Variants in NDST3 observed in about 807,000 individuals in gnomAD.
NDST3 encodes the protein bifunctional heparan sulfate N-deacetylase/N-sulfotransferase 3.
A neutral mutation model predicts 96.1 loss-of-function variants in NDST3; 58 were observed. That is an observed-to-expected ratio of 0.60 (90% CI 0.49 to 0.75). The LOEUF is 0.75. Ranked by LOEUF, NDST3 falls within the 30% of genes least tolerant of loss-of-function variation. The pLI, the probability that NDST3 is intolerant of heterozygous loss-of-function variation, is 0.00. For missense variants in NDST3, 788 were observed against 1,034.2 expected, an observed-to-expected ratio of 0.76 and a Z score of 3.27; for synonymous variants, 333 against 359.7, an observed-to-expected ratio of 0.93 and a Z score of 0.84.
intron 4 of NDST3, among the ~76,000 whole-genome samples, chr4:118,118,094 T>C (rs561745559): frequency 9.2e-5 from 14 of 152,320 alleles, no homozygotes; most frequent in Non-Finnish European, 1.6e-4. Flanking sequence ...TCCACTTTAA[T>C]TCAATGAAAA....
At chr4:118,201,125 T>G (rs1738054589) in intron 6 of NDST3, among the ~76,000 whole-genome samples, 1 of 152,218 alleles carries the variant, frequency 6.6e-6, no homozygotes, top group Non-Finnish European at 1.5e-5. Flanking sequence ...TTTCATTTTT[T>G]TATAACTGTG....
intron 6 of NDST3, among the ~76,000 whole-genome samples, chr4:118,186,970 T>A (rs1737002106): frequency 6.6e-6 from 1 of 152,176 alleles, no homozygotes; most frequent in Non-Finnish European, 1.5e-5. Flanking sequence ...AAACAGCACA[T>A]GAGGGAGACT....
chr4:118,206,770 G>C (rs1388941990), intron 6 of NDST3, among the ~76,000 whole-genome samples: 2 of 144,062 alleles, frequency 1.4e-5, no homozygotes, highest in African/African-American at 2.6e-5. Flanking sequence ...CACATTACTA[G>C]TGGTAATGTA....
upstream of NDST3, among the ~76,000 whole-genome samples, chr4:118,033,373 G>A (rs1000235927): frequency 6.6e-6 from 1 of 152,130 alleles, no homozygotes; most frequent in African/African-American, 2.4e-5. Context: ...GGCCGCACAA[G>A]ACGTTTCATC....
At chr4:118,084,817 T>G (rs886495307) in intron 2 of NDST3, among the ~76,000 whole-genome samples, 7 of 152,240 alleles carry the variant, frequency 4.6e-5, no homozygotes, top group Non-Finnish European at 1.0e-4. Context: ...CAATTAAACA[T>G]TATTTAAAAA....
intron 6 of NDST3, among the ~76,000 whole-genome samples, chr4:118,195,506 T>C (rs1002082823): frequency 1.3e-5 from 2 of 152,244 alleles, no homozygotes; most frequent in Admixed American, 6.5e-5. Context: ...CTTGTGGAAC[T>C]GTATGTCCAT....
At chr4:118,133,391 C>T (rs1434158025) in intron 4 of NDST3, among the ~76,000 whole-genome samples, 1 of 152,136 alleles carries the variant, frequency 6.6e-6, no homozygotes, top group Non-Finnish European at 1.5e-5. Context: ...ACTGTGCTCT[C>T]CCTCCCCCAC....
chr4:118,209,601 G>T (rs11941660), intron 6 of NDST3, among the ~76,000 whole-genome samples: 7 of 152,198 alleles, frequency 4.6e-5, no homozygotes, highest in African/African-American at 1.4e-4. Flanking sequence ...GGCTGAACTT[G>T]CAGTTCTGAA....
At chr4:118,078,186 C>A (rs1480528483) in intron 2 of NDST3, among the ~76,000 whole-genome samples, 1 of 152,056 alleles carries the variant, frequency 6.6e-6, no homozygotes, top group Admixed American at 6.5e-5. Context: ...GGCTGGTGCC[C>A]AGCTTCACTC....
chr4:118,170,563 A>G (rs534898834), intron 6 of NDST3, among the ~76,000 whole-genome samples: 14 of 152,118 alleles, frequency 9.2e-5, no homozygotes, highest in Non-Finnish European at 1.8e-4. Flanking sequence ...CCCCATCTCT[A>G]CTAAAAATAC....
intron 10 of NDST3, among the ~76,000 whole-genome samples, chr4:118,239,775 G>T (rs761653475): frequency 8.5e-5 from 13 of 152,118 alleles, no homozygotes. Flanking sequence ...CAGAAAATTT[G>T]CTATTCAACT....
At chr4:118,168,127 T>A (rs759844772) in intron 6 of NDST3, among the ~76,000 whole-genome samples, 11 of 150,644 alleles carry the variant, frequency 7.3e-5, no homozygotes, top group Non-Finnish European at 1.0e-4. Context: ...TGAGGGAAAA[T>A]GCAACCTATG....
In NDST3 at chr4:118,226,923, C is replaced by G; in HGVS notation, c.1760C>G (p.Ser587Cys). The G allele has an allele frequency of 6.2e-7, 1 of 1,613,564 alleles. No homozygotes were observed. Among genetic ancestry groups the G allele is most frequent in the Admixed American group, 1.7e-5 (1 of 59,946 alleles). Residue 587 changes from serine (S) to cysteine (C), a missense_variant, in exon 8 of 14, where the codon TCT (serine) becomes TGT (cysteine). Around this residue, in one of 3 missense-constraint regions of NDST3, gnomAD observed 490 missense variants for 708.8 expected, o/e 0.69. Coordinates refer to ENST00000296499, the MANE Select transcript of NDST3 (RefSeq NM_004784.3). The stretch of plus-strand genomic sequence containing the variant: ...GACAAACGCCACAGAGACATTTGGT[C>G]TAAAGAAAAAACTTGTGATCGCTTA... ...CDDKRHRDIW[S>C]KEKTCDRLPK...
At chr4:118,109,981 C>T (rs1288336422) in intron 3 of NDST3, among the ~76,000 whole-genome samples, 1 of 152,098 alleles carries the variant, frequency 6.6e-6, no homozygotes, top group Non-Finnish European at 1.5e-5. Flanking sequence ...TTGTTAAACA[C>T]TTTTCATGTA....
chr4:118,182,895 ATGCCTG>A (rs1736693924), intron 6 of NDST3, among the ~76,000 whole-genome samples: 1 of 152,194 alleles, frequency 6.6e-6, no homozygotes, highest in African/African-American at 2.4e-5. Context: ...TAGAAAGCCT[ATGCCTG>A]TGCTCCTTGC....
At chr4:118,047,241 A>G (rs1724821924) in intron 1 of NDST3, among the ~76,000 whole-genome samples, 1 of 152,260 alleles carries the variant, frequency 6.6e-6, no homozygotes, top group Non-Finnish European at 1.5e-5. Context: ...GAAAACATCC[A>G]GAAACAAATC....
chr4:118,052,084 G>T (rs2110443010), intron 1 of NDST3, among the ~76,000 whole-genome samples: 1 of 152,138 alleles, frequency 6.6e-6, no homozygotes, highest in Admixed American at 6.6e-5. Context: ...GCATACACTT[G>T]TATGTTTATC....
intron 2 of NDST3, among the ~76,000 whole-genome samples, chr4:118,089,205 T>G (rs1199664099): frequency 2.0e-5 from 3 of 151,946 alleles, no homozygotes. Context: ...ATAAGTGGAT[T>G]TTTAAATCCT....
intron 12 of NDST3, among the ~76,000 whole-genome samples, chr4:118,250,409 T>G (rs1197384322): frequency 6.6e-6 from 1 of 152,244 alleles, no homozygotes; most frequent in African/African-American, 2.4e-5. Context: ...ATTTCCTTAA[T>G]GATGAATGAT....
Sources: gnomAD v4.1 joint callset for allele counts (sites outside exome capture counted in the v4.1 genomes callset) on GRCh38, gnomAD v4.1.1 for gene constraint, gnomAD v4.1.1 regional missense constraint, MANE v1.5 for transcripts, NCBI Gene and HGNC (gene_info 2026-07-23, HGNC 2026-07-21) for gene names.